UTP4: variants seen among roughly 807,000 people sequenced by gnomAD.
UTP4 encodes UTP4 small subunit processome component, also known as U3 small nucleolar RNA-associated protein 4 homolog.
A neutral mutation model predicts 82.4 loss-of-function variants in UTP4; 45 were observed. That is an observed-to-expected ratio of 0.55 (90% CI 0.43 to 0.70). The LOEUF is 0.70. Ranked by LOEUF, UTP4 falls within the 30% of genes least tolerant of loss-of-function variation. The pLI is 0.00. For missense variants in UTP4, 819 were observed against 858.3 expected, an observed-to-expected ratio of 0.95 and a Z score of 0.57; for synonymous variants, 348 against 300.3, an observed-to-expected ratio of 1.16 and a Z score of -1.64.
intron 10 of UTP4, 123 bp downstream of exon 10, chr16:69,154,580 T>TGAAG: frequency 1.3e-6 from 1 of 772,100 alleles, no homozygotes. Flanking sequence ...ACTATTTGAA[T>TGAAG]GAAGGACTGT....
In UTP4 at chr16:69,168,850, A is replaced by G; in HGVS notation, c.1974A>G (p.Glu658=). Residue 658 remains glutamate (E), a synonymous_variant, in exon 17 of 17, where the codon GAA becomes GAG. Coordinates refer to ENST00000314423, the MANE Select transcript of UTP4 (RefSeq NM_032830.3). The part of the protein sequence containing the change: ...KPLLFMDLLD[E]RTLVAVERPL... ...TACTCTTCATGGATCTTTTGGATGA[A>G]AGAACACTCGTGGCAGTAGAACGGC... 6.2e-7 allele frequency: 1 copy of G among 1,613,568 alleles called. No homozygotes were observed. Among genetic ancestry groups the G allele is most frequent in the Non-Finnish European group, 8.5e-7 (1 of 1,179,524 alleles).
intron 10 of UTP4, among the ~76,000 whole-genome samples, chr16:69,154,964 C>T (rs1963372714): frequency 6.6e-6 from 1 of 152,052 alleles, no homozygotes; most frequent in Non-Finnish European, 1.5e-5. Context: ...AGGTGATCCG[C>T]CCGCCTTGGC....
chr16:69,165,753 GTA>G (rs953148718), intron 15 of UTP4: 14 of 614,414 alleles, frequency 2.3e-5, no homozygotes, highest in South Asian at 1.9e-4. Context: ...GCTGGCCTTT[GTA>G]TACTGGCTTT....
chr16:69,141,302 T>C (rs1962952639), intron 5 of UTP4, among the ~76,000 whole-genome samples: 1 of 152,222 alleles, frequency 6.6e-6, no homozygotes, highest in Non-Finnish European at 1.5e-5. Flanking sequence ...TTCTGTGTTA[T>C]TCACTTTCTT....
intron 5 of UTP4, among the ~76,000 whole-genome samples, chr16:69,141,583 C>T (rs1962959351): frequency 6.6e-6 from 1 of 152,070 alleles, no homozygotes; most frequent in African/African-American, 2.4e-5. Flanking sequence ...TTGTTCTGGA[C>T]ACCTGGTAGG....
chr16:69,133,673 C>G, intron 2 of UTP4, 55 bp downstream of exon 2: 1 of 1,568,144 alleles, frequency 6.4e-7, no homozygotes. Flanking sequence ...TTCTGAAGTT[C>G]AAGAAGCTTG....
rs557474024 is a variant in UTP4, at chr16:69,152,626, C to T, written c.1003-958C>T. ...CTGGGATTACAGGCACCCGCCACCA[C>T]GCCTAGGTAATTTTTTTTGTATTTT... On this transcript the variant is annotated intron_variant, in intron 8 of 16. Coordinates refer to ENST00000314423, the MANE Select transcript of UTP4 (RefSeq NM_032830.3). Among the ~76,000 whole-genome samples the T allele has an allele frequency of 1.4e-4, 22 of 151,810 alleles. No individual in the cohort carries two copies. The East Asian group carries it at 2.7e-3, about 19-fold the overall frequency.
chr16:69,139,764 CAGTT>C, intron 4 of UTP4, 57 bp from the exon 5 acceptor site: 1 of 1,078,564 alleles, frequency 9.3e-7, no homozygotes, highest in Non-Finnish European at 1.4e-6. Flanking sequence ...GAAGAGAGCT[CAGTT>C]ACTCTTCGTA....
intron 6 of UTP4, among the ~76,000 whole-genome samples, chr16:69,145,767 A>G (rs1963092919): frequency 6.6e-6 from 1 of 151,806 alleles, no homozygotes. Context: ...CACAGTCATG[A>G]CCCTGCAAGA....
At chr16:69,164,443 C>T (rs1216515626) in intron 14 of UTP4, among the ~76,000 whole-genome samples, 1 of 151,832 alleles carries the variant, frequency 6.6e-6, no homozygotes, top group South Asian at 2.1e-4. Context: ...TGATAATATA[C>T]AGTGTTCTGA....
intron 14 of UTP4, among the ~76,000 whole-genome samples, chr16:69,163,904 G>A (rs75058903): frequency 2.4e-5 from 1 of 41,662 alleles, no homozygotes; most frequent in Non-Finnish European, 4.5e-5. Context: ...TTTTTTTTTT[G>A]AGACAGAGTC....
At chr16:69,160,612 T>C (rs1963540930) in intron 13 of UTP4, 150 bp downstream of exon 13, 1 of 666,814 alleles carries the variant, frequency 1.5e-6, no homozygotes, top group African/African-American at 1.8e-5. Flanking sequence ...TTTTTTTTTT[T>C]TTGAGACAAA....
intron 12 of UTP4, among the ~76,000 whole-genome samples, chr16:69,159,200 C>A (rs931314302): frequency 4.6e-5 from 7 of 152,076 alleles, no homozygotes; most frequent in African/African-American, 1.7e-4. Flanking sequence ...CCTCAGCCTC[C>A]CTAGTAGCTG....
intron 5 of UTP4, 89 bp from the exon 6 acceptor site, chr16:69,143,089 C>A: frequency 7.2e-7 from 1 of 1,380,036 alleles, no homozygotes; most frequent in Non-Finnish European, 1.0e-6. Context: ...AACTCCAGGG[C>A]TCAAGCAGTC....
intron 8 of UTP4, among the ~76,000 whole-genome samples, chr16:69,152,569 A>C (rs187425608): frequency 2.1e-3 from 308 of 148,658 alleles, no homozygotes; most frequent in Non-Finnish European, 3.9e-3. Context: ...TCCTGGGTTC[A>C]AGCGATTCTC....
intron 4 of UTP4, among the ~76,000 whole-genome samples, chr16:69,138,453 G>A (rs761198058): frequency 3.3e-5 from 5 of 152,106 alleles, no homozygotes; most frequent in Non-Finnish European, 7.3e-5. Context: ...GGCCAGGCTG[G>A]TCTCGAACTC....
At chr16:69,134,505 G>C (rs1323694911) in intron 2 of UTP4, among the ~76,000 whole-genome samples, 3 of 69,932 alleles carry the variant, frequency 4.3e-5, no homozygotes, top group Admixed American at 3.7e-4. Context: ...TTCAGGGAAG[G>C]CAATTCAGAG....
At chr16:69,158,887 A>G (rs1322213844) in intron 12 of UTP4, among the ~76,000 whole-genome samples, 1 of 152,074 alleles carries the variant, frequency 6.6e-6, no homozygotes, top group Non-Finnish European at 1.5e-5. Context: ...ATCACTGTCC[A>G]ATTTTTATCC....
At chr16:69,145,464 G>T (rs1233002900) in intron 6 of UTP4, among the ~76,000 whole-genome samples, 1 of 152,018 alleles carries the variant, frequency 6.6e-6, no homozygotes, top group Non-Finnish European at 1.5e-5. Flanking sequence ...TTTTACCATG[G>T]CTGGTTTTGA....
Sources: allele counts gnomAD v4.1 joint callset (sites outside exome capture counted in the v4.1 genomes callset), GRCh38; gene constraint gnomAD v4.1.1; transcripts MANE v1.5; gene names NCBI Gene and HGNC (gene_info 2026-07-23, HGNC 2026-07-21).